Variants in NUP188 observed in about 807,000 individuals in gnomAD.
The protein encoded by NUP188 is nucleoporin NUP188.
In NUP188, 97 loss-of-function variants were observed where a neutral mutation model predicts 223.0. The ratio of observed to expected loss-of-function variants is 0.43; its 90% CI spans 0.37 to 0.51. The LOEUF is 0.51. Among genes scored for constraint, NUP188 ranks in the 20% least tolerant of loss-of-function variants. The pLI is 0.00. For missense variants in NUP188, 1,947 were observed against 2,175.6 expected (o/e 0.89, Z 2.09); for synonymous variants, 869 against 828.0 (o/e 1.05, Z -0.85).
intron 8 of NUP188, among the ~76,000 whole-genome samples, chr9:128,967,066 G>A (rs772360469): frequency 2.2e-4 from 33 of 152,096 alleles, no homozygotes; most frequent in Non-Finnish European, 4.3e-4. Flanking sequence ...GGGGTACAGG[G>A]GCATGATTGT....
rs145696079 is a variant in NUP188, at chr9:128,958,115, C to T, written c.372+61C>T. 3.5e-4 allele frequency: 475 copies of T among 1,371,710 alleles called. 2 individuals carry two copies. In the African/African-American group the frequency reaches 6.2e-3, roughly 18 times the overall value. 85.0% of individuals were successfully genotyped at this position (1,371,710 alleles called of 1,614,324 possible). ...AAATTGAGTGACAGCTTCTTGACCT[C>T]ATTTTCCTGAGCATTGCTGGCTTTT... On this transcript the variant is annotated intron_variant, in intron 6 of 43. Transcript: ENST00000372577.
At chr9:128,949,276 G>A in intron 2 of NUP188, 33 bp downstream of exon 2, 1 of 1,522,006 alleles carries the variant, frequency 6.6e-7, no homozygotes, top group Non-Finnish European at 9.1e-7. Flanking sequence ...GGGTTCTCTG[G>A]GTTCTTTGTG....
chr9:129,002,111 C>CT (rs1842682259), intron 36 of NUP188, 135 bp downstream of exon 36: 2 of 702,622 alleles, frequency 2.8e-6, no homozygotes, highest in Non-Finnish European at 4.9e-6. Context: ...GGAATCTTCC[C>CT]TGCCCCCAGG....
chr9:128,957,366 T>G (rs982298049), intron 5 of NUP188, among the ~76,000 whole-genome samples: 1 of 152,148 alleles, frequency 6.6e-6, no homozygotes, highest in African/African-American at 2.4e-5. Context: ...TATATGCATA[T>G]AAGCTGAGAT....
intron 32 of NUP188, 137 bp downstream of exon 32, chr9:128,998,760 TAGG>T (rs1264733124): frequency 1.4e-6 from 1 of 700,194 alleles, no homozygotes; most frequent in Admixed American, 2.1e-5. Flanking sequence ...ACATAGCAGA[TAGG>T]AGGGTGAGGC....
In NUP188 at chr9:129,006,739, G is replaced by A; in HGVS notation, c.*61G>A. 1 of 1,530,814 alleles carries A rather than the reference G, an allele frequency of 6.5e-7. No individual in the cohort carries two copies. Among genetic ancestry groups the A allele is most frequent in the East Asian group, 2.3e-5 (1 of 44,330 alleles). The allele number at this position is 1,530,814 out of a possible 1,614,324, so 94.8% of individuals were successfully genotyped here. A position where few individuals can be genotyped will look rare whatever the true frequency, so the allele number is the denominator to read the frequency against. On this transcript the variant is annotated 3_prime_UTR_variant, in exon 44 of 44. Coordinates refer to ENST00000372577, the MANE Select transcript of NUP188 (RefSeq NM_015354.3). ...AGCCTACACTGCACCCTGGCTGGCA[G>A]GGGTGCTGCTGGCTGCTAGGGCCTA...
chr9:129,005,405 G>C lies in NUP188; in HGVS notation c.4612G>C (p.Asp1538His), dbSNP rs1564569842. 3 of 1,611,728 alleles carry C rather than the reference G, an allele frequency of 1.9e-6. No homozygotes were observed. In the South Asian group the frequency reaches 3.3e-5, roughly 18 times the overall value. The change falls in exon 40 of 44, where the codon GAC becomes CAC. Residue 1538 changes from aspartate to histidine, a missense_variant. By Grantham distance (81) the Asp-to-His change is moderately conservative. Transcript: ENST00000372577. ...CTCCTCCTCAAAGCAGCCCGCTGCT[G>C]ACACAGAGGCATCAGAGCAGCAGGC... ...APSSSKQPAA[D>H]TEASEQQALH...
intron 8 of NUP188, 97 bp from the exon 9 acceptor site, chr9:128,968,409 G>A: frequency 2.3e-6 from 2 of 887,064 alleles, no homozygotes; most frequent in Middle Eastern, 3.3e-4. Flanking sequence ...TGTATCCTGG[G>A]TGACAGATTG....
At chr9:128,956,534 G>A in intron 4 of NUP188, 100 bp downstream of exon 4, 1 of 632,716 alleles carries the variant, frequency 1.6e-6, no homozygotes, top group Non-Finnish European at 2.6e-6. Flanking sequence ...TTTTGTTTTG[G>A]GGATTAAATT....
chr9:128,959,157 T>C (rs372344068), intron 8 of NUP188, 23 bp downstream of exon 8: 7 of 1,543,146 alleles, frequency 4.5e-6, no homozygotes, highest in Non-Finnish European at 6.1e-6. Context: ...TGTGCTCTCC[T>C]GTAACTTTTT....
At chr9:129,002,474 CCTCT>C (rs948100751) in intron 36 of NUP188, among the ~76,000 whole-genome samples, 1 of 152,166 alleles carries the variant, frequency 6.6e-6, no homozygotes, top group Admixed American at 6.5e-5. Flanking sequence ...TTCACCTGAA[CCTCT>C]CTCTCTCATG....
rs767242305 is a variant in NUP188 at position 128,994,879 on chromosome 9, C to T, written c.3111C>T (p.Ala1037=). The part of the protein sequence containing the change: ...TSEPSILETC[A]LIMKIICLEI... ...AGCCCAGCATCCTGGAAACCTGTGC[C>T]CTAATCATGAAGATAATTTGCTTGG... The change falls in exon 29 of 44, where the codon GCC becomes GCT. Residue 1037 remains alanine (A), a synonymous_variant. Transcript: ENST00000372577. The T allele has an allele frequency of 6.2e-7, 1 of 1,613,862 alleles. No individual in the cohort carries two copies.
intron 15 of NUP188, 105 bp from the exon 16 acceptor site, chr9:128,982,444 T>A: frequency 9.4e-7 from 1 of 1,067,264 alleles, no homozygotes; most frequent in South Asian, 1.6e-5. Context: ...AAAAAATGTC[T>A]GTGAGTTTGT....
chr9:128,982,102 A>G (rs554461077), intron 15 of NUP188, among the ~76,000 whole-genome samples: 2 of 150,810 alleles, frequency 1.3e-5, no homozygotes, highest in Non-Finnish European at 3.0e-5. Context: ...ACTTGTCTAC[A>G]TGACAAGAAC....
intron 2 of NUP188, 80 bp from the exon 3 acceptor site, chr9:128,952,693 A>G: frequency 1.6e-6 from 2 of 1,282,526 alleles, no homozygotes; most frequent in Non-Finnish European, 2.2e-6. Flanking sequence ...ACTGCACTCC[A>G]GCCTGGGTGA....
chr9:128,999,072 C>T, intron 32 of NUP188, 100 bp from the exon 33 acceptor site: 8 of 907,108 alleles, frequency 8.8e-6, no homozygotes, highest in African/African-American at 1.6e-5. Flanking sequence ...AGGCTGGTCT[C>T]GAACTCCTGA....
intron 11 of NUP188, among the ~76,000 whole-genome samples, chr9:128,971,364 C>T (rs1842101786): frequency 6.6e-6 from 1 of 152,148 alleles, no homozygotes; most frequent in South Asian, 2.1e-4. Context: ...ATTAGAAATT[C>T]TCTTGAGTCT....
chr9:129,005,591 A>G, intron 40 of NUP188, 54 bp from the exon 41 acceptor site: 1 of 1,611,336 alleles, frequency 6.2e-7, no homozygotes, highest in Non-Finnish European at 8.5e-7. Flanking sequence ...CTGTGTACCG[A>G]GAGCTACCTG....
chr9:128,998,221 A>C lies in NUP188; in HGVS notation c.3422A>C (p.Lys1141Thr). Reference sequence around the variant, plus strand: ...TTTCTTGACGTGCTTGATGGAACCAAAGCATTAGTAAGTGTGTCTGGGAGA... The same window carrying C: ...TTTCTTGACGTGCTTGATGGAACCACAGCATTAGTAAGTGTGTCTGGGAGA... ...QLFLDVLDGT[K>T]ALLLVPASVN... The change falls in exon 31 of 44, where the codon AAA becomes ACA. Residue 1141 changes from lysine (K) to threonine (T), a missense_variant. Transcript: ENST00000372577. 1 of 1,612,690 alleles carries C rather than the reference A, an allele frequency of 6.2e-7. No homozygotes were observed. The highest frequency in any genetic ancestry group is 1.1e-5 in the South Asian group (1 of 91,048).
Sources: allele counts gnomAD v4.1 joint callset (sites outside exome capture counted in the v4.1 genomes callset), GRCh38; gene constraint gnomAD v4.1.1; transcripts MANE v1.5; gene names NCBI Gene and HGNC (gene_info 2026-07-23, HGNC 2026-07-21).